Variants in ATRNL1 observed in about 807,000 individuals in gnomAD.
The protein encoded by ATRNL1 is attractin like 1, also known as attractin-like protein 1.
In ATRNL1, 95 loss-of-function variants were observed where a neutral mutation model predicts 182.7. The ratio of observed to expected loss-of-function variants is 0.52; its 90% CI spans 0.44 to 0.62. The LOEUF is 0.62. Among genes scored for constraint, ATRNL1 ranks in the 20% least tolerant of loss-of-function variants. ATRNL1 has a pLI of 0.00. For synonymous variants in ATRNL1, 576 were observed against 568.3 expected, an observed-to-expected ratio of 1.01 and a Z score of -0.19; for missense variants, 1,471 against 1,679.5, an observed-to-expected ratio of 0.88 and a Z score of 2.17.
At chr10:115,816,721 C>A (rs1950174630) in intron 27 of ATRNL1, among the ~76,000 whole-genome samples, 1 of 152,000 alleles carries the variant, frequency 6.6e-6, no homozygotes, top group Non-Finnish European at 1.5e-5. Flanking sequence ...TTTAGCAGAA[C>A]CACCTTATAA....
At chr10:115,598,596 T>C (rs1555014958) in intron 26 of ATRNL1, among the ~76,000 whole-genome samples, 1 of 151,864 alleles carries the variant, frequency 6.6e-6, no homozygotes, top group African/African-American at 2.4e-5. Context: ...TCTGCTGACC[T>C]TGTGATCCAC....
At chr10:115,368,193 A>C (rs1476810906) in intron 19 of ATRNL1, among the ~76,000 whole-genome samples, 3 of 151,984 alleles carry the variant, frequency 2.0e-5, no homozygotes, top group African/African-American at 7.3e-5. Context: ...TGGGCGTAGG[A>C]CCCTCTGAGC....
intron 26 of ATRNL1, among the ~76,000 whole-genome samples, chr10:115,608,214 T>C (rs1401685159): frequency 3.9e-5 from 6 of 152,020 alleles, no homozygotes; most frequent in Non-Finnish European, 8.8e-5. Context: ...AAGAAGACTC[T>C]GCAAATCTTT....
chr10:115,643,186 C>T (rs1185030890), intron 26 of ATRNL1, among the ~76,000 whole-genome samples: 1 of 152,158 alleles, frequency 6.6e-6, no homozygotes, highest in Non-Finnish European at 1.5e-5. Flanking sequence ...ATATGATCAA[C>T]TGATTTTCAA....
At chr10:115,686,398 C>T (rs1412848973) in intron 26 of ATRNL1, among the ~76,000 whole-genome samples, 1 of 151,942 alleles carries the variant, frequency 6.6e-6, no homozygotes, top group Admixed American at 6.6e-5. Context: ...CTTAGTCTGA[C>T]CTTTTCTAAG....
At chr10:115,752,613 T>C (rs115281329) in intron 27 of ATRNL1, among the ~76,000 whole-genome samples, 1,911 of 152,144 alleles carry the variant, frequency 0.013, 28 homozygotes, top group African/African-American at 0.041. Flanking sequence ...ATAGTCCCCC[T>C]AGATGAAGAC....
At chr10:115,136,521 T>A (rs1845521163) in intron 5 of ATRNL1, among the ~76,000 whole-genome samples, 2 of 152,232 alleles carry the variant, frequency 1.3e-5, no homozygotes, top group Non-Finnish European at 2.9e-5. Context: ...GACAAATGTA[T>A]CATTACATGT....
chr10:115,459,093 AC>A lies in ATRNL1; in HGVS notation c.3323-2845del, dbSNP rs1392761513. On this transcript the variant is annotated intron_variant, in intron 21 of 28. Coordinates refer to ENST00000355044, the MANE Select transcript of ATRNL1 (RefSeq NM_207303.4). ...GACACTTATCACTTCCCCAGTCAAT[AC>A]CCTTGTGATTTCCTATGCTTGTCTT... 2.0e-5 allele frequency among the ~76,000 whole-genome samples: 3 copies of A among 152,092 alleles called. No individual in the cohort carries two copies. In the East Asian group the frequency reaches 5.8e-4, roughly 29 times the overall value.
chr10:115,873,933 A>G (rs1435839357), intron 28 of ATRNL1, among the ~76,000 whole-genome samples: 4 of 152,192 alleles, frequency 2.6e-5, no homozygotes, highest in African/African-American at 9.7e-5. Context: ...CCAGATGCAA[A>G]TAACTGCTGG....
rs556111987 is a variant in ATRNL1, at chr10:115,671,045, A to G, written c.3796-56203A>G. Reference sequence around the variant, plus strand: ...TGTGGTAGTGGGGTTGGAGCATTGCAGAACATGCTGATGCACATGCTTAGG... The same window carrying G: ...TGTGGTAGTGGGGTTGGAGCATTGCGGAACATGCTGATGCACATGCTTAGG... On this transcript the variant is annotated intron_variant, in intron 26 of 28. Transcript: ENST00000355044. Among the ~76,000 whole-genome samples the G allele has an allele frequency of 3.9e-5, 6 of 152,272 alleles. No homozygotes were observed. In the East Asian group the frequency reaches 1.2e-3, roughly 29 times the overall value.
At chr10:115,381,934 G>T (rs1858037175) in intron 19 of ATRNL1, among the ~76,000 whole-genome samples, 1 of 151,922 alleles carries the variant, frequency 6.6e-6, no homozygotes, top group Non-Finnish European at 1.5e-5. Flanking sequence ...TAGTTGTCCT[G>T]CCATCATTTG....
chr10:115,573,356 G>A (rs996869497), intron 26 of ATRNL1, among the ~76,000 whole-genome samples: 2 of 151,692 alleles, frequency 1.3e-5, no homozygotes, highest in Non-Finnish European at 2.9e-5. Flanking sequence ...CCCCTACATT[G>A]TTCCATTGTC....
At chr10:115,718,422 T>A (rs957199880) in intron 26 of ATRNL1, among the ~76,000 whole-genome samples, 1 of 152,208 alleles carries the variant, frequency 6.6e-6, no homozygotes, top group Non-Finnish European at 1.5e-5. Context: ...AGAGTATTTT[T>A]AAAGTTGTCA....
intron 27 of ATRNL1, among the ~76,000 whole-genome samples, chr10:115,756,418 C>G (rs983712834): frequency 1.3e-5 from 2 of 151,988 alleles, no homozygotes; most frequent in Non-Finnish European, 1.5e-5. Flanking sequence ...AATTTCATTA[C>G]TTATCCACTA....
intron 5 of ATRNL1, among the ~76,000 whole-genome samples, chr10:115,152,155 C>T (rs1212141832): frequency 6.6e-6 from 1 of 152,170 alleles, no homozygotes; most frequent in African/African-American, 2.4e-5. Flanking sequence ...CATGATGCCT[C>T]CAGCTTTGTT....
chr10:115,636,375 C>T (rs995034692), intron 26 of ATRNL1, among the ~76,000 whole-genome samples: 1 of 152,158 alleles, frequency 6.6e-6, no homozygotes, highest in African/African-American at 2.4e-5. Flanking sequence ...TCCATTCTTC[C>T]CAGGTAACAC....
intron 26 of ATRNL1, among the ~76,000 whole-genome samples, chr10:115,590,603 CT>C (rs782744399): frequency 1.3e-5 from 2 of 151,974 alleles, no homozygotes; most frequent in African/African-American, 2.4e-5. Context: ...ACTTCCCTTC[CT>C]TTTGTATATA....
rs140640021 is a variant in ATRNL1, at chr10:115,903,317, A to G, written c.4019-41341A>G. 7.7e-4 allele frequency among the ~76,000 whole-genome samples: 117 copies of G among 152,272 alleles called. 1 individual carries two copies. The highest frequency in any genetic ancestry group is 2.6e-3 in the African/African-American group (110 of 41,572). On this transcript the variant is annotated intron_variant, in intron 28 of 28. Transcript: ENST00000355044. Reference sequence around the variant, plus strand: ...TCTGAGTAACAAACCTCTCCGTGGTATCTTGCCACTGCCCTCCATTTCCCT... The same window carrying G: ...TCTGAGTAACAAACCTCTCCGTGGTGTCTTGCCACTGCCCTCCATTTCCCT...
intron 26 of ATRNL1, among the ~76,000 whole-genome samples, chr10:115,715,042 C>T (rs1215657887): frequency 6.6e-6 from 1 of 152,056 alleles, no homozygotes; most frequent in Non-Finnish European, 1.5e-5. Flanking sequence ...ATCATTAGAC[C>T]AAGAGAGGTT....
Sources: allele counts gnomAD v4.1 joint callset (sites outside exome capture counted in the v4.1 genomes callset), GRCh38; gene constraint gnomAD v4.1.1; transcripts MANE v1.5; gene names NCBI Gene and HGNC (gene_info 2026-07-23, HGNC 2026-07-21).